BBX: variants seen among roughly 807,000 people sequenced by gnomAD.
BBX encodes HMG box transcription factor BBX.
Under a neutral mutation model 100.2 loss-of-function variants are expected in BBX, and 30 were observed. The ratio of observed to expected loss-of-function variants is 0.30; its 90% confidence interval spans 0.22 to 0.41. BBX has a LOEUF of 0.41. Among genes scored for constraint, BBX ranks in the 10% least tolerant of loss-of-function variants. The pLI, the probability that BBX is intolerant of heterozygous loss-of-function variation, is 1.00. For synonymous variants in BBX, 376 were observed against 388.1 expected (o/e 0.97, Z 0.37); for missense variants, 1,023 against 1,129.8 (o/e 0.91, Z 1.35).
chr3:107,673,975 T>C (rs1212648014), intron 3 of BBX, among the ~76,000 whole-genome samples: 1 of 152,198 alleles, frequency 6.6e-6, no homozygotes, highest in Non-Finnish European at 1.5e-5. Flanking sequence ...TGAACTGTTC[T>C]TTACAAGTGG....
At chr3:107,736,999 C>G (rs1251475746) in intron 7 of BBX, among the ~76,000 whole-genome samples, 3 of 152,000 alleles carry the variant, frequency 2.0e-5, no homozygotes, top group Admixed American at 2.0e-4. Context: ...TTTTAGAATG[C>G]CTGTTTTGTT....
At chr3:107,749,967 T>G (rs1202665151) in intron 9 of BBX, among the ~76,000 whole-genome samples, 5 of 152,070 alleles carry the variant, frequency 3.3e-5, no homozygotes, top group African/African-American at 1.2e-4. Flanking sequence ...ATCATCAGAT[T>G]CATTAGGAGC....
intron 3 of BBX, among the ~76,000 whole-genome samples, chr3:107,688,031 C>T (rs920654368): frequency 6.6e-6 from 1 of 151,918 alleles, no homozygotes; most frequent in African/African-American, 2.4e-5. Context: ...CTCTAGCCTG[C>T]GTGATGAGCG....
chr3:107,739,469 G>A (rs1156834315), intron 7 of BBX, among the ~76,000 whole-genome samples: 1 of 152,124 alleles, frequency 6.6e-6, no homozygotes, highest in African/African-American at 2.4e-5. Flanking sequence ...AAATCCAATG[G>A]TAGAACCCAG....
At chr3:107,535,739 C>T (rs921651885) in intron 2 of BBX, among the ~76,000 whole-genome samples, 5 of 151,898 alleles carry the variant, frequency 3.3e-5, no homozygotes, top group Non-Finnish European at 7.4e-5. Context: ...ATTACAGGTG[C>T]GGGTCACCAC....
At chr3:107,612,250 T>C (rs959680518) in intron 2 of BBX, among the ~76,000 whole-genome samples, 1 of 152,158 alleles carries the variant, frequency 6.6e-6, no homozygotes, top group African/African-American at 2.4e-5. Context: ...CTTAGTTTGT[T>C]TGATGATGTC....
intron 3 of BBX, among the ~76,000 whole-genome samples, chr3:107,696,872 T>C (rs1208746126): frequency 6.6e-6 from 1 of 151,544 alleles, no homozygotes; most frequent in Admixed American, 6.6e-5. Context: ...CATAGTCCCA[T>C]ATTTCTTGGA....
chr3:107,775,259 A>G (rs1319269192), intron 12 of BBX, among the ~76,000 whole-genome samples: 1 of 152,164 alleles, frequency 6.6e-6, no homozygotes, highest in Admixed American at 6.5e-5. Context: ...TGTAAGGTAA[A>G]TGAAATTATG....
At chr3:107,628,042 TTA>T (rs1203747480) in intron 2 of BBX, among the ~76,000 whole-genome samples, 2 of 152,082 alleles carry the variant, frequency 1.3e-5, no homozygotes, top group African/African-American at 4.8e-5. Context: ...ACTGAAGCAA[TTA>T]TCTTCTTTAA....
At chr3:107,607,183 A>G (rs558160807) in intron 2 of BBX, among the ~76,000 whole-genome samples, 3 of 151,864 alleles carry the variant, frequency 2.0e-5, no homozygotes, top group East Asian at 1.9e-4. Context: ...TGCAACCTCC[A>G]TCTCCTGGGT....
At chr3:107,698,428 G>A (rs533996386) in intron 3 of BBX, among the ~76,000 whole-genome samples, 3 of 151,494 alleles carry the variant, frequency 2.0e-5, no homozygotes, top group East Asian at 3.9e-4. Context: ...TGAAGCGGGC[G>A]GCTCACAAGG....
At position 107,716,513 on chromosome 3, in the gene BBX, A is replaced by G; in HGVS notation, c.163-94A>G. ...ATGTGTAAGTTGTTTAAATGGAGCTAAGAAAAAAATACAATTTGCAAACCA... is the reference window on the plus strand; with the variant it reads ...ATGTGTAAGTTGTTTAAATGGAGCTGAGAAAAAAATACAATTTGCAAACCA... On this transcript the variant is annotated intron_variant, in intron 4 of 17. Transcript: ENST00000325805. 29 of 1,458,082 alleles carry G rather than the reference A, an allele frequency of 2.0e-5. No homozygotes were observed. In the South Asian group the frequency reaches 3.8e-4, roughly 19 times the overall value. The allele number at this position is 1,458,082 out of a possible 1,614,324, so 90.3% of individuals were successfully genotyped here.
At chr3:107,664,167 G>C (rs2058619539) in intron 3 of BBX, among the ~76,000 whole-genome samples, 1 of 152,042 alleles carries the variant, frequency 6.6e-6, no homozygotes, top group Admixed American at 6.6e-5. Flanking sequence ...CAGAGGAAAA[G>C]TTCTTGAGTC....
At chr3:107,785,951 A>C (rs1576803075) in intron 13 of BBX, among the ~76,000 whole-genome samples, 1 of 152,206 alleles carries the variant, frequency 6.6e-6, no homozygotes, top group South Asian at 2.1e-4. Flanking sequence ...CCAAAAAACT[A>C]TTACAGCTAA....
intron 15 of BBX, among the ~76,000 whole-genome samples, chr3:107,793,546 G>C (rs936043683): frequency 2.0e-5 from 3 of 152,084 alleles, no homozygotes; most frequent in African/African-American, 7.2e-5. Context: ...TGCTTTGTGA[G>C]TTTTCTAGGC....
intron 2 of BBX, among the ~76,000 whole-genome samples, chr3:107,625,357 A>G (rs2056088778): frequency 6.6e-6 from 1 of 152,186 alleles, no homozygotes; most frequent in Admixed American, 6.5e-5. Context: ...AGCTCACTGC[A>G]ACCTCCACCA....
chr3:107,738,961 C>T (rs1337897018), intron 7 of BBX, among the ~76,000 whole-genome samples: 1 of 152,100 alleles, frequency 6.6e-6, no homozygotes, highest in Non-Finnish European at 1.5e-5. Context: ...TAGAATTACA[C>T]CCACATTGTT....
chr3:107,540,689 A>G (rs2048804807), intron 2 of BBX, among the ~76,000 whole-genome samples: 1 of 152,224 alleles, frequency 6.6e-6, no homozygotes, highest in East Asian at 1.9e-4. Context: ...ACATACTTTT[A>G]TTAACATATT....
chr3:107,572,867 G>T (rs1490383302), intron 2 of BBX, among the ~76,000 whole-genome samples: 2 of 152,128 alleles, frequency 1.3e-5, no homozygotes, highest in Non-Finnish European at 2.9e-5. Context: ...AAAGAAGTCT[G>T]TGCATTTAAT....
Sources: allele counts gnomAD v4.1 joint callset (sites outside exome capture counted in the v4.1 genomes callset), GRCh38; gene constraint gnomAD v4.1.1; transcripts MANE v1.5; gene names NCBI Gene and HGNC (gene_info 2026-07-23, HGNC 2026-07-21).